Variants in ZBTB16 observed in about 807,000 individuals in gnomAD.
ZBTB16 encodes the protein zinc finger and BTB domain containing 16, also known as zinc finger and BTB domain-containing protein 16.
A neutral mutation model predicts 56.8 loss-of-function variants in ZBTB16; 8 were observed. The observed-to-expected ratio is 0.14, with a 90% CI of 0.08 to 0.25. ZBTB16 has a LOEUF of 0.25. ZBTB16 is among the 10% of genes least tolerant of loss of function. The pLI is 1.00. For missense variants in ZBTB16, 625 were observed against 903.0 expected (o/e 0.69, Z 3.95); for synonymous variants, 363 against 368.5 (o/e 0.98, Z 0.17).
At position 114,127,648 on chromosome 11, in the gene ZBTB16, G is replaced by C. The variant is rs143471678; in HGVS notation, c.1269-28689G>C. ...TGACTAGGAATTGCGTCAATAGTTA[G>C]AGGAGGGAAGGATCAGAAAGGGGAC... is the stretch of plus-strand genomic sequence containing the variant. On this transcript the variant is annotated intron_variant, in intron 2 of 6. Transcript: ENST00000335953. 6.0e-3 allele frequency among the ~76,000 whole-genome samples: 910 copies of C among 152,344 alleles called. 5 individuals carry two copies. The highest frequency in any genetic ancestry group is 0.02 in the African/African-American group (826 of 41,576).
Position 114,253,394 on chromosome 11 carries a change from G to A in ZBTB16, c.*2839G>A, listed in dbSNP as rs1162779368. ...GAACCTTGCCCTTTCCTTTTGTAAT[G>A]TGAATAGGAAGACAAAAGACAAAAA... On this transcript the variant is annotated 3_prime_UTR_variant, in exon 7 of 7. Transcript: ENST00000335953. Among the ~76,000 whole-genome samples, 1 of 149,116 alleles carries A rather than the reference G, an allele frequency of 6.7e-6. No homozygotes were observed. The highest frequency in any genetic ancestry group is 1.5e-5 in the Non-Finnish European group (1 of 66,784).
At chr11:114,136,623 C>T (rs563024609) in intron 2 of ZBTB16, among the ~76,000 whole-genome samples, 219 of 152,154 alleles carry the variant, frequency 1.4e-3, no homozygotes, top group African/African-American at 5.0e-3. Context: ...GTGGTAGCTA[C>T]AGAGATGAGC....
At chr11:114,088,919 C>T (rs1200362962) in intron 2 of ZBTB16, among the ~76,000 whole-genome samples, 1 of 151,904 alleles carries the variant, frequency 6.6e-6, no homozygotes, top group East Asian at 1.9e-4. Context: ...GCCTGGGGGC[C>T]CCCCCACACA....
chr11:114,131,275 CCTT>C (rs1442456229), intron 2 of ZBTB16, among the ~76,000 whole-genome samples: 2 of 152,180 alleles, frequency 1.3e-5, no homozygotes, highest in African/African-American at 2.4e-5. Context: ...AGGACAGTCT[CCTT>C]CTCCTGCTCC....
intron 2 of ZBTB16, among the ~76,000 whole-genome samples, chr11:114,112,534 T>C (rs543427874): frequency 6.6e-6 from 1 of 152,214 alleles, no homozygotes; most frequent in East Asian, 1.9e-4. Context: ...TTTCTTCCTG[T>C]AAAAAAGTTG....
intron 2 of ZBTB16, among the ~76,000 whole-genome samples, chr11:114,137,756 G>A (rs1478377741): frequency 6.6e-6 from 1 of 152,188 alleles, no homozygotes; most frequent in East Asian, 1.9e-4. Flanking sequence ...ATTCTCTGGA[G>A]AAAACAGTGT....
intron 2 of ZBTB16, among the ~76,000 whole-genome samples, chr11:114,111,250 G>A (rs1319547603): frequency 5.3e-5 from 8 of 152,006 alleles, no homozygotes; most frequent in African/African-American, 1.9e-4. Context: ...GTTAAGTTGA[G>A]TGAACCTAAT....
Position 114,247,075 on chromosome 11 carries a change from G to A in ZBTB16, c.1625-123G>A, listed in dbSNP as rs555687261. 6.2e-6 allele frequency: 8 copies of A among 1,292,920 alleles called. No homozygotes were observed. In the Admixed American group the frequency reaches 1.2e-4, roughly 20 times the overall value. The allele number at this position is 1,292,920 out of a possible 1,614,324, so 80.1% of individuals were successfully genotyped here. A position where few individuals can be genotyped will look rare whatever the true frequency, so the allele number is the denominator to read the frequency against. On this transcript the variant is annotated intron_variant, in intron 5 of 6. Transcript: ENST00000335953. ...TGGAGGTGTGGCCGTGGATCCTTAAGTTGTCTTTGGAGGTGGTGAATACAG... is the reference window on the plus strand; with the variant it reads ...TGGAGGTGTGGCCGTGGATCCTTAAATTGTCTTTGGAGGTGGTGAATACAG...
chr11:114,076,819 A>G (rs1397195288), intron 2 of ZBTB16, among the ~76,000 whole-genome samples: 2 of 152,222 alleles, frequency 1.3e-5, no homozygotes, highest in African/African-American at 2.4e-5. Flanking sequence ...ACTTTCTAGC[A>G]CAATGGTTTT....
intron 3 of ZBTB16, among the ~76,000 whole-genome samples, chr11:114,178,816 C>A (rs1384194523): frequency 6.6e-6 from 1 of 152,146 alleles, no homozygotes; most frequent in Non-Finnish European, 1.5e-5. Flanking sequence ...CCTCCTGACC[C>A]AGTCCAGGGT....
At position 114,187,027 on chromosome 11, in the gene ZBTB16, A is replaced by C. The variant is rs751718561; in HGVS notation, c.1442A>C (p.Gln481Pro). 11 of 1,614,102 alleles carry C rather than the reference A, an allele frequency of 6.8e-6. No homozygotes were observed. The highest frequency in any genetic ancestry group is 8.5e-6 in the Non-Finnish European group (10 of 1,179,994). The change falls in exon 4 of 7, where the codon CAG becomes CCG. Residue 481 changes from glutamine to proline, a missense_variant. Physicochemically the swap from Gln to Pro is moderately conservative, Grantham distance 76. This residue lies in a region of ZBTB16 where 140 missense variants were observed against 214.8 expected (regional missense o/e 0.65). Transcript: ENST00000335953. Reference protein sequence around the residue: ...SKEDALETHRQTHTGTDMAVF... With the variant: ...SKEDALETHRPTHTGTDMAVF... Reference sequence around the variant, plus strand: ...GAGGATGCCCTGGAGACACACAGGCAGACCCATACTGGTGAGTTGACTTGG... The same window carrying C: ...GAGGATGCCCTGGAGACACACAGGCCGACCCATACTGGTGAGTTGACTTGG...
At chr11:114,061,717 G>T (rs1430376277) in intron 1 of ZBTB16, among the ~76,000 whole-genome samples, 1 of 152,170 alleles carries the variant, frequency 6.6e-6, no homozygotes, top group East Asian at 1.9e-4. Context: ...TTGGAGTCTA[G>T]GAGCCCTCTT....
chr11:114,146,827 C>T (rs1411695835), intron 2 of ZBTB16, among the ~76,000 whole-genome samples: 9 of 131,610 alleles, frequency 6.8e-5, no homozygotes, highest in Non-Finnish European at 1.1e-4. Context: ...CCAGCCTGGG[C>T]GATAGAGTGA....
Position 114,060,623 on chromosome 11 carries a change from C to T in ZBTB16, c.-91+741C>T, listed in dbSNP as rs376708464. The T allele has an allele frequency of 2.0e-5, 3 of 152,064 alleles. No individual in the cohort carries two copies. The highest frequency in any genetic ancestry group is 3.9e-4 in the East Asian group (2 of 5,132). The allele number at this position is 152,064 out of a possible 1,614,324, so 9.4% of individuals were successfully genotyped here. On this transcript the variant is annotated intron_variant, in intron 1 of 6. Transcript: ENST00000335953. The surrounding 1 kb of genome is among the most constrained non-coding windows in gnomAD (Gnocchi z 6.0). ...TCTGCACCTGATGCGTTCGGGATGC[C>T]TTTCCCACCCTGGCGCGCCCGCCGC...
At chr11:114,170,206 G>C (rs1942920209) in intron 3 of ZBTB16, among the ~76,000 whole-genome samples, 2 of 152,192 alleles carry the variant, frequency 1.3e-5, no homozygotes, top group South Asian at 4.1e-4. Flanking sequence ...GGATTTGATG[G>C]ACTAAAAAAT....
chr11:114,235,231 C>T (rs1038159183), intron 4 of ZBTB16, among the ~76,000 whole-genome samples: 2 of 152,228 alleles, frequency 1.3e-5, no homozygotes, highest in Middle Eastern at 3.4e-3. Flanking sequence ...TGTGCATGCA[C>T]GAGCACACAC....
At chr11:114,122,400 A>G (rs1941369982) in intron 2 of ZBTB16, among the ~76,000 whole-genome samples, 2 of 152,200 alleles carry the variant, frequency 1.3e-5, no homozygotes, top group Admixed American at 1.3e-4. Flanking sequence ...ATAAACAGAG[A>G]GAAGACACTG....
intron 2 of ZBTB16, among the ~76,000 whole-genome samples, chr11:114,135,772 C>CTG (rs1346991353): frequency 6.6e-6 from 1 of 152,228 alleles, no homozygotes; most frequent in East Asian, 1.9e-4. Flanking sequence ...CAGAAGAAAT[C>CTG]TGAGTGGCTC....
chr11:114,176,294 A>G (rs999760593), intron 3 of ZBTB16, among the ~76,000 whole-genome samples: 5 of 152,008 alleles, frequency 3.3e-5, no homozygotes, highest in African/African-American at 9.7e-5. Flanking sequence ...CATGGCAGAA[A>G]CCCTTACTCT....
Sources: allele counts gnomAD v4.1 joint callset (sites outside exome capture counted in the v4.1 genomes callset), GRCh38; gene constraint gnomAD v4.1.1; regional missense constraint gnomAD v4.1.1; non-coding constraint Gnocchi (gnomAD v3.1); transcripts MANE v1.5; gene names NCBI Gene and HGNC (gene_info 2026-07-23, HGNC 2026-07-21).